CMTR1: variants seen among roughly 807,000 people sequenced by gnomAD.
The protein encoded by CMTR1 is cap-specific mRNA (nucleoside-2'-O-)-methyltransferase 1.
In CMTR1, 39 loss-of-function variants were observed where a neutral mutation model predicts 107.0. The observed-to-expected ratio is 0.36, with a 90% confidence interval of 0.28 to 0.48. CMTR1 has a LOEUF of 0.48. Among genes scored for constraint, CMTR1 ranks in the 20% least tolerant of loss-of-function variants. CMTR1 has a pLI of 0.99. For synonymous variants in CMTR1, 366 were observed against 379.5 expected, an observed-to-expected ratio of 0.96 and a Z score of 0.41; for missense variants, 672 against 1,064.9, an observed-to-expected ratio of 0.63 and a Z score of 5.14.
At chr6:37,433,646 TCTC>T (rs1177881600) in intron 1 of CMTR1, among the ~76,000 whole-genome samples, 1 of 152,184 alleles carries the variant, frequency 6.6e-6, no homozygotes, top group Non-Finnish European at 1.5e-5. Flanking sequence ...GCTTATCTCT[TCTC>T]TCTGTGATTA....
At position 37,444,103 on chromosome 6, in the gene CMTR1, A is replaced by G. The variant is rs1205778646; in HGVS notation, c.238A>G (p.Thr80Ala). ...AFKADSLVEGTSSRYSMYNSV... is the reference protein window; with the variant it reads ...AFKADSLVEGASSRYSMYNSV... Reference sequence around the variant, plus strand: ...CAAAGCAGACTCTCTTGTGGAAGGAACTTCTTCTCGCTATTCCATGTATAA... The same window carrying G: ...CAAAGCAGACTCTCTTGTGGAAGGAGCTTCTTCTCGCTATTCCATGTATAA... Residue 80 changes from threonine to alanine, a missense_variant, in exon 3 of 24, where the codon ACT (threonine) becomes GCT (alanine). Physicochemically the swap from Thr to Ala is moderately conservative, Grantham distance 58 (BLOSUM62 0). This residue lies in a region of CMTR1 where 89 missense variants were observed against 96.6 expected (regional missense o/e 0.92). Transcript: ENST00000373451. 6.2e-7 allele frequency: 1 copy of G among 1,614,034 alleles called. No individual in the cohort carries two copies. The highest frequency in any genetic ancestry group is 1.3e-5 in the African/African-American group (1 of 74,916).
rs1397756892 is a variant in CMTR1 at position 37,472,761 on chromosome 6, C to T, written c.1689+274C>T. ...CAAAGGGTGGTTCTGGCTGTGTCAC[C>T]CTGGCAAGTTCAGGGTCCTGTGGGA... On this transcript the variant is annotated intron_variant, in intron 16 of 23. Transcript: ENST00000373451. This position sits in a 1 kb window ranked among gnomAD's most constrained non-coding sequence, Gnocchi z 4.1. Among the ~76,000 whole-genome samples the T allele has an allele frequency of 6.6e-6, 1 of 152,198 alleles. No individual in the cohort carries two copies. The highest frequency in any genetic ancestry group is 1.5e-5 in the Non-Finnish European group (1 of 68,042).
Position 37,480,814 on chromosome 6 carries a change from T to A in CMTR1, c.*669T>A, listed in dbSNP as rs41272224. 3.0e-3 allele frequency: 3,398 copies of A among 1,129,216 alleles called. 13 individuals are homozygous for A. The highest frequency in any genetic ancestry group is 3.5e-3 in the Non-Finnish European group (3,220 of 912,792). 69.9% of individuals were successfully genotyped at this position (1,129,216 alleles called of 1,614,324 possible). ...GCAAACTCTCATCCCTGATACCACA[T>A]TGAGATCCTGGGAGCCCTCTTTTCG... On this transcript the variant is annotated 3_prime_UTR_variant, in exon 24 of 24. Transcript: ENST00000373451.
At chr6:37,477,529 T>C in intron 20 of CMTR1, 63 bp from the exon 21 acceptor site, 1 of 1,472,360 alleles carries the variant, frequency 6.8e-7, no homozygotes, top group Non-Finnish European at 9.5e-7. Context: ...GCCTCCCAGC[T>C]GCCTCCTGGA....
intron 13 of CMTR1, among the ~76,000 whole-genome samples, chr6:37,466,100 G>GTT (rs1214218600): frequency 1.4e-5 from 2 of 138,316 alleles, no homozygotes; most frequent in Admixed American, 1.4e-4. Context: ...TTTTTAAAGA[G>GTT]TTTTACAGTT....
intron 13 of CMTR1, among the ~76,000 whole-genome samples, chr6:37,469,114 G>T (rs567568789): frequency 1.3e-5 from 2 of 151,930 alleles, no homozygotes; most frequent in South Asian, 2.1e-4. Context: ...CAGCCTGGGT[G>T]ATAGAGTCAG....
At chr6:37,469,096 C>A (rs1320126053) in intron 13 of CMTR1, among the ~76,000 whole-genome samples, 1 of 151,734 alleles carries the variant, frequency 6.6e-6, no homozygotes, top group Non-Finnish European at 1.5e-5. Context: ...GATCGTGCCA[C>A]TGCACTCCAG....
Position 37,472,365 on chromosome 6 carries a change from G to A in CMTR1, c.1621-54G>A, listed in dbSNP as rs1242414560. ...CCTCCACCTGCATATACTCATACACGGTCTTGGTCAAAAGGGCATTTGAAA... is the reference window on the plus strand; with the variant it reads ...CCTCCACCTGCATATACTCATACACAGTCTTGGTCAAAAGGGCATTTGAAA... On this transcript the variant is annotated intron_variant, in intron 15 of 23. Transcript: ENST00000373451. This position sits in a 1 kb window ranked among gnomAD's most constrained non-coding sequence, Gnocchi z 4.1. 1.3e-6 allele frequency: 2 copies of A among 1,534,724 alleles called. No homozygotes were observed. Among genetic ancestry groups the A allele is most frequent in the East Asian group, 2.2e-5 (1 of 44,476 alleles).
intron 2 of CMTR1, among the ~76,000 whole-genome samples, chr6:37,441,203 T>G (rs1270389946): frequency 6.6e-6 from 1 of 152,078 alleles, no homozygotes; most frequent in Non-Finnish European, 1.5e-5. Flanking sequence ...GGAAGTGCAG[T>G]TCTTTAGCAT....
intron 22 of CMTR1, among the ~76,000 whole-genome samples, 195 bp downstream of exon 22, chr6:37,478,716 G>GA (rs1477994586): frequency 6.6e-6 from 1 of 152,192 alleles, no homozygotes; most frequent in Non-Finnish European, 1.5e-5. Flanking sequence ...TGGGCCCTGG[G>GA]AGTTGGTTAG....
rs546639238 is a variant in CMTR1 at position 37,436,139 on chromosome 6, C to G, written c.133+377C>G. Among the ~76,000 whole-genome samples the G allele has an allele frequency of 1.4e-4, 22 of 152,246 alleles. 1 individual carries two copies. In the South Asian group the frequency reaches 1.7e-3, roughly 11 times the overall value. On this transcript the variant is annotated intron_variant, in intron 2 of 23. Transcript: ENST00000373451. ...GGGAGGGCCTCTTTGCTGCGGCCGT[C>G]GAGCCTAATTTTCACTTTTTTTGCA...
Position 37,480,425 on chromosome 6 carries a change from T to C in CMTR1, c.*280T>C, listed in dbSNP as rs1012208605. On this transcript the variant is annotated 3_prime_UTR_variant, in exon 24 of 24. Transcript: ENST00000373451. ...CTGAGGCAGGTATGAGGTCAGTGCC[T>C]AGGGCACGTGGGACTGATGGAGGAC... The C allele has an allele frequency of 1.6e-6, 2 of 1,261,696 alleles. No individual in the cohort carries two copies. Among genetic ancestry groups the C allele is most frequent in the Non-Finnish European group, 2.0e-6 (2 of 1,003,484 alleles). The allele number at this position is 1,261,696 out of a possible 1,614,324, so 78.2% of individuals were successfully genotyped here. A position where few individuals can be genotyped will look rare whatever the true frequency, so the allele number is the denominator to read the frequency against.
intron 20 of CMTR1, among the ~76,000 whole-genome samples, chr6:37,476,850 T>A (rs2113896129): frequency 6.6e-6 from 1 of 152,374 alleles, no homozygotes; most frequent in African/African-American, 2.4e-5. Flanking sequence ...TTGTTCTTTT[T>A]AACATAAATT....
At chr6:37,469,810 G>T (rs1171691139) in intron 13 of CMTR1, among the ~76,000 whole-genome samples, 1 of 151,880 alleles carries the variant, frequency 6.6e-6, no homozygotes, top group African/African-American at 2.4e-5. Flanking sequence ...TTACAGGTGT[G>T]AGCCACCGCA....
chr6:37,454,198 A>G (rs1761243529), intron 8 of CMTR1, among the ~76,000 whole-genome samples: 1 of 152,208 alleles, frequency 6.6e-6, no homozygotes, highest in Admixed American at 6.5e-5. Context: ...GCTATCCCCA[A>G]ACCTGTTTCT....
At position 37,444,160 on chromosome 6, in the gene CMTR1, C is replaced by T. The variant is rs78303174; in HGVS notation, c.285+10C>T. 6,865 of 1,612,512 alleles carry T rather than the reference C, an allele frequency of 4.3e-3. 177 individuals carry two copies. The African/African-American group carries it at 0.067, about 16-fold the overall frequency. On this transcript the variant is annotated intron_variant, in intron 3 of 23. Coordinates refer to ENST00000373451, the MANE Select transcript of CMTR1 (RefSeq NM_015050.3). ...CTCCCAGAAGCTTATGGTATGTCAG[C>T]GCTTGGGTTGGGTTTCTCAAGCCCC...
At position 37,480,796 on chromosome 6, in the gene CMTR1, C is replaced by T; in HGVS notation, c.*651C>T. 9.0e-7 allele frequency: 1 copy of T among 1,116,092 alleles called. No homozygotes were observed. Among genetic ancestry groups the T allele is most frequent in the African/African-American group, 1.7e-5 (1 of 60,296 alleles). The allele number at this position is 1,116,092 out of a possible 1,614,324, so 69.1% of individuals were successfully genotyped here. On this transcript the variant is annotated 3_prime_UTR_variant, in exon 24 of 24. Transcript: ENST00000373451. Reference sequence around the variant, plus strand: ...GGGAAGGAGGGAGTTTGGGCAAACTCTCATCCCTGATACCACATTGAGATC... The same window carrying T: ...GGGAAGGAGGGAGTTTGGGCAAACTTTCATCCCTGATACCACATTGAGATC...
rs1273667193 is a variant in CMTR1, at chr6:37,450,259, T to A, written c.453T>A (p.Ala151=). ...VDWRDEPEPS[A]CEQVSWFPEC... The stretch of plus-strand genomic sequence containing the variant: ...CTCTCTTTTGTTTGCAGCCCAGTGC[T>A]TGTGAGCAGGTGTCATGGTTTCCAG... Residue 151 remains alanine, a synonymous_variant, in exon 5 of 24, where the codon GCT becomes GCA. Coordinates refer to ENST00000373451, the MANE Select transcript of CMTR1 (RefSeq NM_015050.3). The A allele has an allele frequency of 6.2e-7, 1 of 1,613,974 alleles. No homozygotes were observed.
chr6:37,480,951 C>T lies in CMTR1; in HGVS notation c.*806C>T. The T allele has an allele frequency of 8.0e-7, 1 of 1,245,264 alleles. No individual in the cohort carries two copies. The highest frequency in any genetic ancestry group is 1.0e-6 in the Non-Finnish European group (1 of 966,846). The allele number at this position is 1,245,264 out of a possible 1,614,324, so 77.1% of individuals were successfully genotyped here. On this transcript the variant is annotated 3_prime_UTR_variant, in exon 24 of 24. Transcript: ENST00000373451. The stretch of plus-strand genomic sequence containing the variant: ...TTGAAGACCCGTCTTTCCCCCACAG[C>T]AGCAGGGGCCCCAGCAGTAACAAAG...
Sources: gnomAD v4.1 joint callset for allele counts (sites outside exome capture counted in the v4.1 genomes callset) on GRCh38, gnomAD v4.1.1 for gene constraint, gnomAD v4.1.1 regional missense constraint, Gnocchi (gnomAD v3.1) non-coding constraint, MANE v1.5 for transcripts, NCBI Gene and HGNC (gene_info 2026-07-23, HGNC 2026-07-21) for gene names.